The following MAPK10 variants were observed in gnomAD, a reference collection of about 807,000 sequenced individuals.
MAPK10 encodes mitogen-activated protein kinase 10.
A neutral mutation model predicts 59.3 loss-of-function variants in MAPK10; 25 were observed. The ratio of observed to expected loss-of-function variants is 0.42; its 90% CI spans 0.31 to 0.59. The LOEUF (loss-of-function observed/expected upper bound fraction) is 0.59. Ranked by LOEUF, MAPK10 falls within the 20% of genes least tolerant of loss-of-function variation. The pLI, the probability that MAPK10 is intolerant of heterozygous loss-of-function variation, is 0.15. For synonymous variants in MAPK10, 190 were observed against 200.5 expected, an observed-to-expected ratio of 0.95 and a Z score of 0.44; for missense variants, 351 against 568.9, an observed-to-expected ratio of 0.62 and a Z score of 3.90.
chr4:86,336,522 T>C (rs1430583546), intron 2 of MAPK10: 3 of 152,086 alleles, frequency 2.0e-5, no homozygotes, highest in East Asian at 1.9e-4. Context: ...GGGACAAACA[T>C]GGAATCATCA....
chr4:86,130,845 C>A (rs1400397744), intron 4 of MAPK10, among the ~76,000 whole-genome samples: 2 of 152,066 alleles, frequency 1.3e-5, no homozygotes, highest in Non-Finnish European at 2.9e-5. Context: ...GCTGGAGATC[C>A]TGAACAGTGA....
rs193073742 is a variant in MAPK10, at chr4:86,269,145, A to G, written c.-6-74738T>C. On this transcript the variant is annotated intron_variant, in intron 2 of 13. Coordinates refer to ENST00000641462, the MANE Select transcript of MAPK10 (RefSeq NM_138982.4). The stretch of plus-strand genomic sequence containing the variant: ...CCATGAGATAAAAAGATAAGTAAAT[A>G]AACGATTGCCTGCAATGTGATATTC... Among the ~76,000 whole-genome samples the G allele has an allele frequency of 1.6e-3, 245 of 152,306 alleles. 1 individual carries two copies. Among genetic ancestry groups the G allele is most frequent in the African/African-American group, 5.7e-3 (237 of 41,572 alleles).
intron 1 of MAPK10, among the ~76,000 whole-genome samples, chr4:86,527,655 A>G (rs907340112): frequency 1.3e-5 from 2 of 152,230 alleles, no homozygotes; most frequent in African/African-American, 2.4e-5. Context: ...CAATCCCATT[A>G]CTGGGTATAT....
upstream of MAPK10, among the ~76,000 whole-genome samples, chr4:86,457,674 G>C (rs989660056): frequency 2.0e-5 from 3 of 152,054 alleles, no homozygotes; most frequent in Admixed American, 2.0e-4. Flanking sequence ...CAAACAAATG[G>C]AAACACATCC....
intron 3 of MAPK10, among the ~76,000 whole-genome samples, chr4:86,184,413 A>G (rs1562828861): frequency 6.6e-6 from 1 of 152,178 alleles, no homozygotes; most frequent in Non-Finnish European, 1.5e-5. Context: ...TACTCATTTT[A>G]CACCACAGCA....
At chr4:86,149,571 T>C (rs968560678) in intron 4 of MAPK10, among the ~76,000 whole-genome samples, 3 of 152,150 alleles carry the variant, frequency 2.0e-5, no homozygotes, top group African/African-American at 7.2e-5. Flanking sequence ...CCAACCTGGA[T>C]TGGATTATTT....
At chr4:86,144,644 G>A (rs2064429800) in intron 4 of MAPK10, among the ~76,000 whole-genome samples, 1 of 152,096 alleles carries the variant, frequency 6.6e-6, no homozygotes, top group African/African-American at 2.4e-5. Flanking sequence ...GGTGGCAGCT[G>A]TATAGCAGGC....
intron 1 of MAPK10, among the ~76,000 whole-genome samples, chr4:86,501,567 A>G (rs1755329583): frequency 6.6e-6 from 1 of 152,032 alleles, no homozygotes; most frequent in Non-Finnish European, 1.5e-5. Flanking sequence ...TTTTATAATT[A>G]GTTGGGTTAA....
intron 1 of MAPK10, among the ~76,000 whole-genome samples, chr4:86,409,693 C>T (rs1388259552): frequency 6.6e-6 from 1 of 152,140 alleles, no homozygotes; most frequent in East Asian, 1.9e-4. Flanking sequence ...CATGATTTGG[C>T]TCTCTGTTTG....
chr4:86,472,734 G>A (rs992301280), intron 1 of MAPK10, among the ~76,000 whole-genome samples: 8 of 152,192 alleles, frequency 5.3e-5, no homozygotes, highest in African/African-American at 9.7e-5. Flanking sequence ...GTATAGGGGT[G>A]AGGCAGGAAA....
chr4:86,538,596 C>A (rs368204931), intron 1 of MAPK10, among the ~76,000 whole-genome samples: 1 of 152,126 alleles, frequency 6.6e-6, no homozygotes, highest in Non-Finnish European at 1.5e-5. Flanking sequence ...TTACATAGAA[C>A]CTTTTTAGAC....
intron 1 of MAPK10, among the ~76,000 whole-genome samples, chr4:86,534,225 T>C (rs567873452): frequency 6.6e-6 from 1 of 152,346 alleles, no homozygotes; most frequent in South Asian, 2.1e-4. Context: ...AGTATGTCAC[T>C]TAGACATTTT....
rs1743168077 is a variant in MAPK10 at position 86,015,968 on chromosome 4, A to G, written c.*1260T>C. ...ATTATTATTATTATTTTATTTCAGA[A>G]GAGGAAAGTAATATTATTTCTCAAA... On this transcript the variant is annotated 3_prime_UTR_variant, in exon 14 of 14. Coordinates refer to ENST00000641462, the MANE Select transcript of MAPK10 (RefSeq NM_138982.4). The G allele has an allele frequency of 6.6e-6, 1 of 152,174 alleles. No individual in the cohort carries two copies. Among genetic ancestry groups the G allele is most frequent in the South Asian group, 2.1e-4 (1 of 4,826 alleles). 9.4% of individuals were successfully genotyped at this position (152,174 alleles called of 1,614,324 possible). A position where few individuals can be genotyped will look rare whatever the true frequency, so the allele number is the denominator to read the frequency against.
chr4:86,276,321 C>T (rs1583907700), intron 2 of MAPK10, among the ~76,000 whole-genome samples: 1 of 152,054 alleles, frequency 6.6e-6, no homozygotes, highest in Admixed American at 6.6e-5. Context: ...CTTTTCAAAC[C>T]TTATGCCCTT....
chr4:86,084,419 C>T (rs2051322716), intron 9 of MAPK10, among the ~76,000 whole-genome samples: 1 of 152,118 alleles, frequency 6.6e-6, no homozygotes, highest in South Asian at 2.1e-4. Flanking sequence ...GATTCAAAAT[C>T]AACATACAAA....
intron 2 of MAPK10, chr4:86,268,719 C>T (rs2148764590): frequency 6.6e-6 from 1 of 152,294 alleles, no homozygotes; most frequent in Non-Finnish European, 1.5e-5. Context: ...CAAGTCTTAA[C>T]TGAAATGTGG....
At chr4:86,136,810 C>T (rs572573267) in intron 4 of MAPK10, among the ~76,000 whole-genome samples, 1 of 151,614 alleles carries the variant, frequency 6.6e-6, no homozygotes, top group South Asian at 2.1e-4. Context: ...CAGAGACACA[C>T]ATAGGCTCAA....
chr4:86,155,979 G>A (rs937175155), intron 4 of MAPK10, among the ~76,000 whole-genome samples: 4 of 152,020 alleles, frequency 2.6e-5, no homozygotes, highest in African/African-American at 4.8e-5. Context: ...ACAAAGGGAT[G>A]AGTCACATCC....
intron 13 of MAPK10, among the ~76,000 whole-genome samples, chr4:86,019,204 G>A (rs868568656): frequency 1.3e-4 from 20 of 152,200 alleles, no homozygotes; most frequent in Middle Eastern, 3.4e-3. Context: ...TTTCTTCCCG[G>A]TCATTCTTTT....
Sources: allele counts gnomAD v4.1 joint callset (sites outside exome capture counted in the v4.1 genomes callset), GRCh38; gene constraint gnomAD v4.1.1; transcripts MANE v1.5; gene names NCBI Gene and HGNC (gene_info 2026-07-23, HGNC 2026-07-21).